WNK2: variants seen among roughly 807,000 people sequenced by gnomAD.
WNK2 encodes serine/threonine-protein kinase WNK2.
WNK2 carries 67 observed loss-of-function variants against 192.1 expected under a neutral mutation model. The observed-to-expected ratio is 0.35, with a 90% CI of 0.29 to 0.43. The LOEUF (loss-of-function observed/expected upper bound fraction) is 0.43, where lower values mean the gene tolerates loss of function less well. Ranked by LOEUF, WNK2 falls within the 20% of genes least tolerant of loss-of-function variation. The pLI is 1.00. For missense variants in WNK2, 2,698 were observed against 3,089.7 expected, an observed-to-expected ratio of 0.87 and a Z score of 3.01; for synonymous variants, 1,439 against 1,393.9, an observed-to-expected ratio of 1.03 and a Z score of -0.72.
chr9:93,223,441 A>G (rs1281042728), intron 2 of WNK2, among the ~76,000 whole-genome samples: 1 of 152,236 alleles, frequency 6.6e-6, no homozygotes, highest in Non-Finnish European at 1.5e-5. Context: ...CTTCGGGGGC[A>G]GGGGTGCCCT....
chr9:93,318,056 A>T, intron 29 of WNK2: 1 of 1,611,382 alleles, frequency 6.2e-7, no homozygotes, highest in East Asian at 2.2e-5. Context: ...CCGTCTCCAC[A>T]CCCACTTCCT....
intron 2 of WNK2, among the ~76,000 whole-genome samples, chr9:93,213,516 A>G (rs1332519941): frequency 7.2e-5 from 11 of 152,314 alleles, no homozygotes. Flanking sequence ...TTGGCCGGGC[A>G]TGGTGGCTCA....
At chr9:93,227,011 A>C (rs1039274683) in intron 2 of WNK2, among the ~76,000 whole-genome samples, 2 of 151,622 alleles carry the variant, frequency 1.3e-5, no homozygotes, top group Non-Finnish European at 2.9e-5. Context: ...GCAGGTGTGA[A>C]CCCTGCCAAG....
intron 23 of WNK2, among the ~76,000 whole-genome samples, chr9:93,295,501 C>G (rs1377429534): frequency 6.6e-6 from 1 of 151,904 alleles, no homozygotes; most frequent in Admixed American, 6.6e-5. Context: ...GGAGTAAAAT[C>G]AGAACTTGCT....
rs1247713021 is a variant in WNK2, at chr9:93,299,406, A to C, written c.6115+145A>C. 6 of 857,168 alleles carry C rather than the reference A, an allele frequency of 7.0e-6. No homozygotes were observed. The Admixed American group carries it at 2.0e-4, about 29-fold the overall frequency. The allele number at this position is 857,168 out of a possible 1,614,324, so 53.1% of individuals were successfully genotyped here. On this transcript the variant is annotated intron_variant, in intron 25 of 29. Coordinates refer to ENST00000427277, the MANE Select transcript of WNK2 (RefSeq NM_006648.4). ...GGCTTCTTTTAAAAAGGATAAAAAA[A>C]AAAAGGTGTAGTCTTTGGATGAAAG...
At chr9:93,318,556 G>T (rs200294546) in intron 29 of WNK2, 2 of 1,613,998 alleles carry the variant, frequency 1.2e-6, no homozygotes, top group Non-Finnish European at 1.7e-6. Context: ...GCTGCTGTGA[G>T]TGAGGATAAG....
intron 19 of WNK2, among the ~76,000 whole-genome samples, chr9:93,281,658 A>T (rs1420147520): frequency 2.0e-5 from 3 of 152,222 alleles, no homozygotes; most frequent in Non-Finnish European, 4.4e-5. Flanking sequence ...GCATGAAGCC[A>T]CTAATTCAAG....
chr9:93,254,197 G>A (rs1402879499), intron 9 of WNK2, among the ~76,000 whole-genome samples: 15 of 152,158 alleles, frequency 9.9e-5, no homozygotes, highest in Admixed American at 7.9e-4. Flanking sequence ...GATTACAAGC[G>A]TGAGTCACTG....
intron 29 of WNK2, chr9:93,319,484 GCTGGGCTGCCCACCA>G (rs1855247662): frequency 1.1e-6 from 1 of 886,326 alleles, no homozygotes; most frequent in Non-Finnish European, 1.4e-6. Flanking sequence ...GGGTTAGCTG[GCTGGGCTGCCCACCA>G]CTCTGCACCT....
chr9:93,197,299 A>G (rs1283142558), intron 2 of WNK2, among the ~76,000 whole-genome samples: 1 of 152,148 alleles, frequency 6.6e-6, no homozygotes, highest in Non-Finnish European at 1.5e-5. Context: ...CAGGCACTCC[A>G]GGATAGGACC....
chr9:93,238,380 T>TCTCAA, intron 6 of WNK2, 59 bp downstream of exon 6: 1 of 1,507,422 alleles, frequency 6.6e-7, no homozygotes, highest in Non-Finnish European at 9.2e-7. Flanking sequence ...TCATTCCAGC[T>TCTCAA]TGCATTGAGA....
chr9:93,202,622 G>T (rs1227710103), intron 2 of WNK2, among the ~76,000 whole-genome samples: 2 of 151,950 alleles, frequency 1.3e-5, no homozygotes, highest in African/African-American at 2.4e-5. Context: ...TTTTCTCTTT[G>T]GGGGAGGGAA....
chr9:93,262,099 G>C lies in WNK2; in HGVS notation c.3352G>C (p.Val1118Leu). ...AACTGTCCAGCTGACGGTGGAACCAGTCCAAGAGGTGTGTGCCCCTCCCCC... is the reference window on the plus strand; with the variant it reads ...AACTGTCCAGCTGACGGTGGAACCACTCCAAGAGGTGTGTGCCCCTCCCCC... The part of the protein sequence containing the change: ...CPTVQLTVEP[V>L]QEEQASQDKP... Residue 1118 changes from valine to leucine, a missense_variant, in exon 13 of 30, where the codon GTC (valine) becomes CTC (leucine). By Grantham distance (32) the Val-to-Leu change is conservative (BLOSUM62 1). Coordinates refer to ENST00000427277, the MANE Select transcript of WNK2 (RefSeq NM_006648.4). 3 of 1,588,768 alleles carry C rather than the reference G, an allele frequency of 1.9e-6. No homozygotes were observed. Among genetic ancestry groups the C allele is most frequent in the Non-Finnish European group, 2.6e-6 (3 of 1,162,952 alleles).
rs755354258 is a variant in WNK2 at position 93,263,633 on chromosome 9, G to A, written c.3478G>A (p.Gly1160Ser). 1.2e-6 allele frequency: 2 copies of A among 1,608,064 alleles called. No homozygotes were observed. Among genetic ancestry groups the A allele is most frequent in the Middle Eastern group, 1.6e-4 (1 of 6,076 alleles). The change falls in exon 15 of 30, where the codon GGC (glycine) becomes AGC (serine). Residue 1160 changes from glycine (G) to serine (S), a missense_variant. By Grantham distance (56) the Gly-to-Ser change is moderately conservative. Transcript: ENST00000427277. ...CAGCTGTGAAGGCGCCTTTGGAGGG[G>A]GCAGGCTGGAGGGCAGGGCAGCCCG... ...SDSCEGAFGG[G>S]RLEGRAARKH...
chr9:93,239,653 T>G lies in WNK2; in HGVS notation c.1323-104T>G, dbSNP rs1840414691. ...TGAGACATGAGGCCTGGCCTCAGGC[T>G]CCTGCAGGTGTGCCTGTCCTTGTCC... On this transcript the variant is annotated intron_variant, in intron 6 of 29. Transcript: ENST00000427277. The surrounding 1 kb of genome is among the most constrained non-coding windows in gnomAD (Gnocchi z 4.2). 1 of 988,692 alleles carries G rather than the reference T, an allele frequency of 1.0e-6. No individual in the cohort carries two copies. Among genetic ancestry groups the G allele is most frequent in the African/African-American group, 1.6e-5 (1 of 61,290 alleles). The allele number at this position is 988,692 out of a possible 1,614,324, so 61.2% of individuals were successfully genotyped here.
At chr9:93,218,466 C>A (rs932231328) in intron 2 of WNK2, among the ~76,000 whole-genome samples, 2 of 152,156 alleles carry the variant, frequency 1.3e-5, no homozygotes, top group African/African-American at 4.8e-5. Flanking sequence ...GGGTGAGTGC[C>A]GATGTGTTCT....
At position 93,259,657 on chromosome 9, in the gene WNK2, G is replaced by T; in HGVS notation, c.3066+43G>T. On this transcript the variant is annotated intron_variant, in intron 12 of 29. Coordinates refer to ENST00000427277, the MANE Select transcript of WNK2 (RefSeq NM_006648.4). This position sits in a 1 kb window ranked among gnomAD's most constrained non-coding sequence, Gnocchi z 4.8. ...AGGGGCTCACCCTCCCAGCGTCTGG[G>T]GACCCTCAGGACCCAGAGATGCAAA... The T allele has an allele frequency of 6.8e-7, 1 of 1,469,928 alleles. No individual in the cohort carries two copies. The highest frequency in any genetic ancestry group is 9.0e-7 in the Non-Finnish European group (1 of 1,113,034). The allele number at this position is 1,469,928 out of a possible 1,614,324, so 91.1% of individuals were successfully genotyped here.
chr9:93,197,322 T>C (rs1831449988), intron 2 of WNK2, among the ~76,000 whole-genome samples: 1 of 152,138 alleles, frequency 6.6e-6, no homozygotes, highest in Admixed American at 6.5e-5. Flanking sequence ...AGGCACTCAG[T>C]GAGGTCTCAG....
intron 2 of WNK2, among the ~76,000 whole-genome samples, chr9:93,218,599 T>C (rs1836215482): frequency 6.6e-6 from 1 of 152,190 alleles, no homozygotes; most frequent in South Asian, 2.1e-4. Context: ...CCTGGGGTGG[T>C]CGAACCACTG....
Sources: gnomAD v4.1 joint callset for allele counts (sites outside exome capture counted in the v4.1 genomes callset) on GRCh38, gnomAD v4.1.1 for gene constraint, Gnocchi (gnomAD v3.1) non-coding constraint, MANE v1.5 for transcripts, NCBI Gene and HGNC (gene_info 2026-07-23, HGNC 2026-07-21) for gene names.